WWOX: variants seen among roughly 807,000 people sequenced by gnomAD.
The protein encoded by WWOX is WW domain-containing oxidoreductase.
A neutral mutation model predicts 46.2 loss-of-function variants in WWOX; 69 were observed. The observed-to-expected ratio is 1.49, with a 90% CI of 1.23 to 1.82. WWOX has a LOEUF of 1.82. WWOX is among the 40% of genes most tolerant of loss of function. WWOX has a pLI of 0.00. For missense variants in WWOX, 919 were observed against 542.6 expected, an observed-to-expected ratio of 1.69 and a Z score of -6.89; for synonymous variants, 359 against 202.6, an observed-to-expected ratio of 1.77 and a Z score of -6.56.
chr16:78,830,509 A>G (rs1208969724), intron 8 of WWOX, among the ~76,000 whole-genome samples: 1 of 151,926 alleles, frequency 6.6e-6, no homozygotes, highest in Non-Finnish European at 1.5e-5. Context: ...GAGTAAACAA[A>G]TTACCCATTA....
At chr16:78,573,399 C>G (rs2044767774) in intron 8 of WWOX, among the ~76,000 whole-genome samples, 1 of 152,164 alleles carries the variant, frequency 6.6e-6, no homozygotes. Context: ...GCCATTTTGA[C>G]CTGTGAGATT....
chr16:78,506,728 T>TTTTTTTTTTTTTTTTTTTTTTTTTTTTG (rs1330915138), intron 8 of WWOX, among the ~76,000 whole-genome samples: 7 of 93,590 alleles, frequency 7.5e-5, no homozygotes, highest in Admixed American at 1.2e-4. Context: ...TTTTTTTTTT[T>TTTTTTTTTTTTTTTTTTTTTTTTTTTTG]GTACAGAGTC....
At chr16:78,346,699 G>C (rs2081100221) in intron 5 of WWOX, among the ~76,000 whole-genome samples, 1 of 118,716 alleles carries the variant, frequency 8.4e-6, no homozygotes, top group African/African-American at 2.9e-5. Flanking sequence ...TCATATCTAT[G>C]TTATTTTATT....
At chr16:78,375,841 A>G (rs1243513767) in intron 5 of WWOX, among the ~76,000 whole-genome samples, 1 of 148,756 alleles carries the variant, frequency 6.7e-6, no homozygotes, top group Non-Finnish European at 1.5e-5. Flanking sequence ...ACAATGAGTA[A>G]CATGTATAGG....
intron 8 of WWOX, among the ~76,000 whole-genome samples, chr16:78,639,557 G>A (rs1260648375): frequency 7.1e-6 from 1 of 140,848 alleles, no homozygotes; most frequent in Admixed American, 7.5e-5. Flanking sequence ...AGACTCCAGG[G>A]GCACAGATTG....
intron 8 of WWOX, among the ~76,000 whole-genome samples, chr16:79,013,030 C>G (rs1044299239): frequency 6.6e-6 from 1 of 152,184 alleles, no homozygotes; most frequent in Admixed American, 6.5e-5. Context: ...GATCGTGCCA[C>G]TGCATGTCAG....
intron 8 of WWOX, among the ~76,000 whole-genome samples, chr16:78,805,929 C>A (rs960154731): frequency 6.6e-6 from 1 of 152,156 alleles, no homozygotes. Flanking sequence ...ATCTTTTGAA[C>A]ATTAGGGAAT....
rs1024974620 is a variant in WWOX at position 78,870,194 on chromosome 16, G to T, written c.1057-341414G>T. ...CTAACCCTAAGATCCTGGATGGCAG[G>T]TAATCTGCTTCCTCAAGATTCTGTT... On this transcript the variant is annotated intron_variant, in intron 8 of 8. Transcript: ENST00000566780. Among the ~76,000 whole-genome samples, 5 of 152,156 alleles carry T rather than the reference G, an allele frequency of 3.3e-5. No individual in the cohort carries two copies. In the South Asian group the frequency reaches 6.2e-4, roughly 19 times the overall value.
intron 8 of WWOX, among the ~76,000 whole-genome samples, chr16:78,986,544 A>G (rs925939176): frequency 1.3e-5 from 2 of 152,202 alleles, no homozygotes; most frequent in Non-Finnish European, 2.9e-5. Flanking sequence ...GAGAGTGAGG[A>G]TAAATAAGAA....
intron 8 of WWOX, among the ~76,000 whole-genome samples, chr16:78,834,119 C>T (rs1004906390): frequency 6.6e-6 from 1 of 152,206 alleles, no homozygotes; most frequent in African/African-American, 2.4e-5. Flanking sequence ...CAGTATGGAG[C>T]CTGTTAAGAC....
At chr16:78,285,133 C>T (rs185543705) in intron 5 of WWOX, among the ~76,000 whole-genome samples, 3 of 152,238 alleles carry the variant, frequency 2.0e-5, no homozygotes, top group Middle Eastern at 3.4e-3. Flanking sequence ...CTGTCACTCC[C>T]TCAGAAGGGA....
At chr16:78,332,833 T>A (rs7192402) in intron 5 of WWOX, among the ~76,000 whole-genome samples, 3,570 of 152,148 alleles carry the variant, frequency 0.023, 144 homozygotes, top group African/African-American at 0.082. Flanking sequence ...ATGAAGAGGC[T>A]GAGGCTCAGA....
chr16:78,509,503 G>A lies in WWOX; in HGVS notation c.1056+76751G>A, dbSNP rs570952247. On this transcript the variant is annotated intron_variant, in intron 8 of 8. Coordinates refer to ENST00000566780, the MANE Select transcript of WWOX (RefSeq NM_016373.4). ...CTCAATACTCCGTAGCCATTTTACC[G>A]CATGTGACTATTAGCTGTGCTTTTG... is the stretch of plus-strand genomic sequence containing the variant. Among the ~76,000 whole-genome samples, 3 of 151,840 alleles carry A rather than the reference G, an allele frequency of 2.0e-5. No individual in the cohort carries two copies. The South Asian group carries it at 6.3e-4, about 32-fold the overall frequency.
At chr16:78,809,846 G>C (rs751875470) in intron 8 of WWOX, among the ~76,000 whole-genome samples, 1 of 152,118 alleles carries the variant, frequency 6.6e-6, no homozygotes, top group African/African-American at 2.4e-5. Context: ...AGGGGATGAT[G>C]ACCCTCTATG....
intron 6 of WWOX, among the ~76,000 whole-genome samples, chr16:78,390,921 C>G (rs1301118773): frequency 1.3e-5 from 2 of 152,182 alleles, no homozygotes; most frequent in Non-Finnish European, 2.9e-5. Context: ...TATGCCGTTT[C>G]AAAGCCTGTA....
intron 8 of WWOX, among the ~76,000 whole-genome samples, chr16:78,584,235 A>G (rs1292988612): frequency 1.3e-5 from 2 of 152,208 alleles, no homozygotes; most frequent in East Asian, 3.9e-4. Flanking sequence ...TTATTGCCAT[A>G]TACAGTTATG....
chr16:78,946,556 T>G (rs2045952628), intron 8 of WWOX, among the ~76,000 whole-genome samples: 1 of 152,104 alleles, frequency 6.6e-6, no homozygotes, highest in Non-Finnish European at 1.5e-5. Flanking sequence ...AACCAGTCTT[T>G]CCGCTTATTT....
chr16:78,876,568 T>A (rs1219474797), intron 8 of WWOX, among the ~76,000 whole-genome samples: 1 of 152,100 alleles, frequency 6.6e-6, no homozygotes, highest in Non-Finnish European at 1.5e-5. Flanking sequence ...TCTCCCAGTG[T>A]CTTTAATTTG....
At chr16:78,662,359 G>A (rs901235663) in intron 8 of WWOX, among the ~76,000 whole-genome samples, 21 of 152,258 alleles carry the variant, frequency 1.4e-4, no homozygotes, top group African/African-American at 5.1e-4. Flanking sequence ...ATAAGAGAGC[G>A]CAATGAGACA....
Sources: allele counts gnomAD v4.1 joint callset (sites outside exome capture counted in the v4.1 genomes callset), GRCh38; gene constraint gnomAD v4.1.1; transcripts MANE v1.5; gene names NCBI Gene and HGNC (gene_info 2026-07-23, HGNC 2026-07-21).